Variants in ABCA13 observed in about 807,000 individuals in gnomAD.
ABCA13 encodes the protein ATP-binding cassette sub-family A member 13.
A neutral mutation model predicts 478.7 loss-of-function variants in ABCA13; 476 were observed. The ratio of observed to expected loss-of-function variants is 0.99; its 90% CI spans 0.92 to 1.07. The LOEUF (loss-of-function observed/expected upper bound fraction) is 1.07. Ranked by LOEUF, ABCA13 falls within the 50% of genes least tolerant of loss-of-function variation. The pLI, the probability that ABCA13 is intolerant of heterozygous loss-of-function variation, is 0.00. For missense variants in ABCA13, 6,060 were observed against 5,910.6 expected (o/e 1.03, Z -0.83); for synonymous variants, 2,252 against 2,158.9 (o/e 1.04, Z -1.20).
At chr7:48,341,653 C>A (rs1226923950) in intron 29 of ABCA13, among the ~76,000 whole-genome samples, 1 of 151,300 alleles carries the variant, frequency 6.6e-6, no homozygotes, top group Non-Finnish European at 1.5e-5. Flanking sequence ...CTTAAAAAAA[C>A]CCACCGTTTA....
chr7:48,645,481 A>G lies in ABCA13; in HGVS notation c.15146A>G (p.Asp5049Gly), dbSNP rs938091199. 3.1e-5 allele frequency: 50 copies of G among 1,589,708 alleles called. No homozygotes were observed. The highest frequency in any genetic ancestry group is 4.2e-5 in the Non-Finnish European group (49 of 1,166,870). Residue 5049 changes from aspartate to glycine, a missense_variant, in exon 62 of 62, where the codon GAC (aspartate) becomes GGC (glycine). Physicochemically the swap from Asp to Gly is moderately conservative, Grantham distance 94 (BLOSUM62 -1). This residue lies in a region of ABCA13 where 1,627 missense variants were observed against 1,571.0 expected (regional missense o/e 1.04). Transcript: ENST00000435803. ...TLQSTLDPSTDSHHTHHLPI is the reference protein window; with the variant it reads ...TLQSTLDPSTGSHHTHHLPI ...CAATCTACTCTTGATCCATCCACTG[A>G]CAGTCACCACACACATCACTTGCCC...
At chr7:48,411,353 G>A (rs1819208575) in intron 40 of ABCA13, among the ~76,000 whole-genome samples, 1 of 95,802 alleles carries the variant, frequency 1.0e-5, no homozygotes, top group South Asian at 2.7e-4. Context: ...CTGTTGCCCA[G>A]GCTGGAGTGC....
At chr7:48,410,756 A>G (rs1330433741) in intron 40 of ABCA13, 79 bp downstream of exon 40, 7 of 1,536,304 alleles carry the variant, frequency 4.6e-6, no homozygotes, top group Non-Finnish European at 6.2e-6. Context: ...ACAGTTACAT[A>G]GTAATAACGT....
chr7:48,367,845 G>T lies in ABCA13; in HGVS notation c.10740G>T (p.Trp3580Cys). The T allele has an allele frequency of 6.3e-7, 1 of 1,581,546 alleles. No homozygotes were observed. Among genetic ancestry groups the T allele is most frequent in the Non-Finnish European group, 8.6e-7 (1 of 1,162,688 alleles). The change falls in exon 32 of 62, where the codon TGG becomes TGT. Residue 3580 changes from tryptophan (W) to cysteine (C), a missense_variant. Coordinates refer to ENST00000435803, the MANE Select transcript of ABCA13 (RefSeq NM_152701.5). ...FFFPLIMMLT[W>C]MVSVASMVRK... ...TTCCACTGATAATGATGCTGACGTG[G>T]ATGGTGTCTGTGGCCAGCATGGTCA...
At chr7:48,176,175 C>T (rs151296358) in intron 1 of ABCA13, among the ~76,000 whole-genome samples, 1 of 152,268 alleles carries the variant, frequency 6.6e-6, no homozygotes, top group East Asian at 1.9e-4. Context: ...TCAGTCCTTT[C>T]CTTCCCCGCC....
Position 48,372,219 on chromosome 7 carries a change from C to A in ABCA13, c.10855C>A (p.Leu3619Met). The A allele has an allele frequency of 6.2e-7, 1 of 1,613,756 alleles. No individual in the cohort carries two copies. Among genetic ancestry groups the A allele is most frequent in the Non-Finnish European group, 8.5e-7 (1 of 1,179,782 alleles). Residue 3619 changes from leucine to methionine, a missense_variant, in exon 33 of 62, where the codon CTG becomes ATG. Physicochemically the swap from Leu to Met is conservative, Grantham distance 15 (BLOSUM62 2). This residue lies in a region of ABCA13 where 4,423 missense variants were observed against 4,309.1 expected (regional missense o/e 1.03). Transcript: ENST00000435803. Reference sequence around the variant, plus strand: ...AGTGATCCATTTCCTGGCCTGGTTCCTGGAGAACATGGCTGTGTTGACCAT... The same window carrying A: ...AGTGATCCATTTCCTGGCCTGGTTCATGGAGAACATGGCTGTGTTGACCAT... ...HPVIHFLAWF[L>M]ENMAVLTISS...
At chr7:48,552,454 T>G (rs944158200) in intron 55 of ABCA13, among the ~76,000 whole-genome samples, 2 of 151,720 alleles carry the variant, frequency 1.3e-5, no homozygotes, top group African/African-American at 2.4e-5. Flanking sequence ...CTTACTTTGG[T>G]GGTGGTTGGA....
At chr7:48,375,406 C>T (rs745469499) in intron 34 of ABCA13, among the ~76,000 whole-genome samples, 14 of 152,108 alleles carry the variant, frequency 9.2e-5, no homozygotes, top group Non-Finnish European at 1.8e-4. Flanking sequence ...CATCTTTACT[C>T]CTAGATTTAC....
intron 1 of ABCA13, among the ~76,000 whole-genome samples, chr7:48,188,106 A>C (rs1434405906): frequency 1.1e-4 from 16 of 152,172 alleles, no homozygotes; most frequent in African/African-American, 3.6e-4. Flanking sequence ...AATCATCTAT[A>C]GAAGGAGAAG....
intron 43 of ABCA13, among the ~76,000 whole-genome samples, chr7:48,466,417 G>C (rs542699616): frequency 6.6e-6 from 1 of 152,314 alleles, no homozygotes; most frequent in South Asian, 2.1e-4. Flanking sequence ...AGCACACATA[G>C]GATTCTGTGT....
chr7:48,561,831 G>GTT (rs35247995), intron 55 of ABCA13, among the ~76,000 whole-genome samples: 9 of 150,678 alleles, frequency 6.0e-5, no homozygotes, highest in South Asian at 2.1e-4. Context: ...TTTCTCCTAT[G>GTT]TTTTTTTTTC....
At chr7:48,471,700 T>C (rs7810026) in intron 45 of ABCA13, 101 bp downstream of exon 45, 398,510 of 1,128,486 alleles carry the variant, frequency 0.35, 72,280 homozygotes, top group East Asian at 0.52. Flanking sequence ...AACTGTGTCT[T>C]TATAACTTTT....
chr7:48,401,935 C>T (rs992602473), intron 38 of ABCA13, among the ~76,000 whole-genome samples: 2 of 152,160 alleles, frequency 1.3e-5, no homozygotes, highest in Non-Finnish European at 2.9e-5. Context: ...AGAGAGCAGG[C>T]CCCAGCTTCT....
chr7:48,487,576 G>A (rs1829451522), intron 47 of ABCA13, among the ~76,000 whole-genome samples: 1 of 152,126 alleles, frequency 6.6e-6, no homozygotes, highest in Non-Finnish European at 1.5e-5. Context: ...TCAGGGCAGG[G>A]ACTATCCTTG....
intron 27 of ABCA13, among the ~76,000 whole-genome samples, chr7:48,328,303 T>C (rs202088293): frequency 6.6e-6 from 1 of 152,118 alleles, no homozygotes; most frequent in Non-Finnish European, 1.5e-5. Flanking sequence ...CAAAATCCAT[T>C]GCAATCCACT....
At chr7:48,627,535 A>G (rs146720088) in intron 59 of ABCA13, among the ~76,000 whole-genome samples, 11 of 152,330 alleles carry the variant, frequency 7.2e-5, no homozygotes, top group African/African-American at 2.2e-4. Flanking sequence ...TAACTTGGAA[A>G]AAGTTAACAT....
Position 48,272,026 on chromosome 7 carries a change from C to T in ABCA13, c.2360C>T (p.Ala787Val). Residue 787 changes from alanine to valine, a missense_variant, in exon 17 of 62, where the codon GCC becomes GTC. This residue lies in a region of ABCA13 where 4,423 missense variants were observed against 4,309.1 expected (regional missense o/e 1.03). Coordinates refer to ENST00000435803, the MANE Select transcript of ABCA13 (RefSeq NM_152701.5). ...HLKSLKRDPSATDAQKLLEFG... is the reference protein window; with the variant it reads ...HLKSLKRDPSVTDAQKLLEFG... Reference sequence around the variant, plus strand: ...AAAAGTTTAAAGAGAGACCCATCTGCCACTGATGCTCAGAAACTCTTGGAA... The same window carrying T: ...AAAAGTTTAAAGAGAGACCCATCTGTCACTGATGCTCAGAAACTCTTGGAA... The T allele has an allele frequency of 1.2e-6, 2 of 1,613,612 alleles. No individual in the cohort carries two copies. The highest frequency in any genetic ancestry group is 1.7e-6 in the Non-Finnish European group (2 of 1,179,716).
chr7:48,453,770 T>C (rs1370628447), intron 42 of ABCA13, among the ~76,000 whole-genome samples: 1 of 152,220 alleles, frequency 6.6e-6, no homozygotes, highest in Non-Finnish European at 1.5e-5. Flanking sequence ...CTTTCCAGCC[T>C]GACACTTTGT....
At chr7:48,424,344 C>T (rs945220808) in intron 41 of ABCA13, among the ~76,000 whole-genome samples, 5 of 152,190 alleles carry the variant, frequency 3.3e-5, no homozygotes, top group Middle Eastern at 3.4e-3. Flanking sequence ...GAACACCTTT[C>T]GGTATAAATA....
Sources: allele counts gnomAD v4.1 joint callset (sites outside exome capture counted in the v4.1 genomes callset), GRCh38; gene constraint gnomAD v4.1.1; regional missense constraint gnomAD v4.1.1; transcripts MANE v1.5; gene names NCBI Gene and HGNC (gene_info 2026-07-23, HGNC 2026-07-21).